Variants in CCDC149 observed in about 807,000 individuals in gnomAD.
CCDC149 encodes the protein coiled-coil domain-containing protein 149.
In CCDC149, 45 loss-of-function variants were observed where a neutral mutation model predicts 59.9. That is an observed-to-expected ratio of 0.75 (90% confidence interval 0.59 to 0.96). The LOEUF (loss-of-function observed/expected upper bound fraction) is 0.96, where lower values mean the gene tolerates loss of function less well. Among genes scored for constraint, CCDC149 ranks in the 40% least tolerant of loss-of-function variants. The pLI is 0.00. For missense variants in CCDC149, 584 were observed against 664.7 expected (o/e 0.88, Z 1.33); for synonymous variants, 245 against 260.6 (o/e 0.94, Z 0.58).
rs117347420 is a variant in CCDC149 at position 24,946,384 on chromosome 4, C to T, written c.-65+33685G>A. ...CAAATCTCTTGTCTTCATATGTGTC[C>T]TTGAAGTGGTCTGTACTTAGCTGGG... On this transcript the variant is annotated intron_variant, in intron 1 of 12. Coordinates refer to the CCDC149 transcript ENST00000389609. 1.9e-3 allele frequency among the ~76,000 whole-genome samples: 286 copies of T among 152,230 alleles called. 2 individuals are homozygous for T. The highest frequency in any genetic ancestry group is 3.9e-3 in the Admixed American group (60 of 15,302).
chr4:24,873,858 A>C, intron 2 of CCDC149, 139 bp from the exon 3 acceptor site: 1 of 637,574 alleles, frequency 1.6e-6, no homozygotes, highest in East Asian at 2.8e-5. Context: ...TGCTGAAGCA[A>C]GCTCAAATAT....
At chr4:24,839,957 G>A (rs1024667068) in intron 4 of CCDC149, among the ~76,000 whole-genome samples, 5 of 152,108 alleles carry the variant, frequency 3.3e-5, no homozygotes, top group African/African-American at 1.2e-4. Flanking sequence ...TCTCTTCCTT[G>A]TTCCTGCATG....
chr4:24,856,824 T>C (rs923632395), intron 3 of CCDC149, among the ~76,000 whole-genome samples: 6 of 152,230 alleles, frequency 3.9e-5, no homozygotes, highest in Admixed American at 3.3e-4. Flanking sequence ...CATTAGCTCA[T>C]TGATCCTTTT....
intron 1 of CCDC149, among the ~76,000 whole-genome samples, chr4:24,919,279 T>C (rs1412313642): frequency 6.6e-6 from 1 of 152,200 alleles, no homozygotes; most frequent in Non-Finnish European, 1.5e-5. Context: ...ACCTCTGTCC[T>C]CAAGGCTTTT....
chr4:24,838,010 T>A (rs1716653616), intron 5 of CCDC149, 146 bp downstream of exon 5: 1 of 721,176 alleles, frequency 1.4e-6, no homozygotes, highest in East Asian at 2.5e-5. Flanking sequence ...CTTGGGACCC[T>A]AGTGCAGTGC....
intron 12 of CCDC149, among the ~76,000 whole-genome samples, chr4:24,818,419 A>T (rs1439264739): frequency 3.9e-5 from 6 of 152,212 alleles, no homozygotes; most frequent in Admixed American, 2.0e-4. Context: ...GTAATGATTA[A>T]AGGCATGAGT....
intron 1 of CCDC149, among the ~76,000 whole-genome samples, chr4:24,955,777 A>G (rs1277375134): frequency 1.3e-5 from 2 of 152,240 alleles, no homozygotes; most frequent in Non-Finnish European, 2.9e-5. Context: ...GTTTTTCAAG[A>G]TGAAAAGAGT....
chr4:24,920,622 G>A (rs1189761320), intron 1 of CCDC149, among the ~76,000 whole-genome samples: 1 of 152,188 alleles, frequency 6.6e-6, no homozygotes, highest in Non-Finnish European at 1.5e-5. Context: ...CCTCTAGATG[G>A]TCATAGAATG....
chr4:24,813,501 T>TATATATAC (rs1553846374), intron 12 of CCDC149, among the ~76,000 whole-genome samples: 1 of 42,078 alleles, frequency 2.4e-5, no homozygotes. Context: ...TATATATATA[T>TATATATAC]ATATATATAT....
At chr4:24,978,035 G>A (rs986193850) in intron 1 of CCDC149, among the ~76,000 whole-genome samples, 1 of 152,152 alleles carries the variant, frequency 6.6e-6, no homozygotes, top group Non-Finnish European at 1.5e-5. Flanking sequence ...AGGAAACCGA[G>A]GCAGAAGGAT....
chr4:24,888,768 C>T lies in CCDC149; in HGVS notation c.64-12071G>A, dbSNP rs549987632. Among the ~76,000 whole-genome samples, 17 of 152,296 alleles carry T rather than the reference C, an allele frequency of 1.1e-4. No individual in the cohort carries two copies. In the East Asian group the frequency reaches 2.1e-3, roughly 19 times the overall value. ...CTTGGGTGTGAGCCTTTCCTGCCCA[C>T]GCCTATAGTCCATCCTCCAATTGCA... is the stretch of plus-strand genomic sequence containing the variant. On this transcript the variant is annotated intron_variant, in intron 1 of 12. Coordinates refer to ENST00000635206, the MANE Select transcript of CCDC149 (RefSeq NM_001330643.2).
intron 12 of CCDC149, among the ~76,000 whole-genome samples, chr4:24,812,402 C>A (rs1219444624): frequency 6.6e-6 from 1 of 152,232 alleles, no homozygotes; most frequent in Non-Finnish European, 1.5e-5. Context: ...CTGAGTACAG[C>A]TCCCAGATCT....
intron 3 of CCDC149, among the ~76,000 whole-genome samples, chr4:24,859,704 A>T (rs192682351): frequency 1.3e-5 from 2 of 152,160 alleles, no homozygotes; most frequent in East Asian, 3.9e-4. Context: ...AACCCTAAAG[A>T]CTCCTCCAAA....
intron 7 of CCDC149, among the ~76,000 whole-genome samples, chr4:24,835,355 A>G (rs575250408): frequency 1.3e-5 from 2 of 152,352 alleles, no homozygotes; most frequent in East Asian, 3.9e-4. Flanking sequence ...GTCACTAGTA[A>G]TGAAAATTCC....
chr4:24,865,956 C>T (rs866236443), intron 3 of CCDC149, among the ~76,000 whole-genome samples: 14 of 152,060 alleles, frequency 9.2e-5, no homozygotes, highest in African/African-American at 3.1e-4. Flanking sequence ...TCCTAGTTTC[C>T]CTGGTGTAAT....
intron 1 of CCDC149, among the ~76,000 whole-genome samples, chr4:24,905,410 CGTGCGTGTGTGTGTGTGTGTGTGTGT>C (rs1721430657): frequency 1.1e-5 from 1 of 93,734 alleles, no homozygotes; most frequent in Admixed American, 1.1e-4. Flanking sequence ...TTTTTGCGTG[CGTGCGTGTGTGTGTGTGTGTGTGTGT>C]GTGTGTGTGT....
chr4:24,853,254 T>C (rs1717781133), intron 3 of CCDC149, 75 bp from the exon 4 acceptor site: 1 of 1,078,688 alleles, frequency 9.3e-7, no homozygotes. Flanking sequence ...ATTGGGCTTG[T>C]GGATGCTGGT....
Position 24,808,348 on chromosome 4 carries a change from TG to T in CCDC149, c.*40del, listed in dbSNP as rs1235484411. ...CCGATGCTTCATTCTTGACCCTCTC[TG>T]GGGCTTTCAATGTGTCATTGTGTCA... is the stretch of plus-strand genomic sequence containing the variant. On this transcript the variant is annotated 3_prime_UTR_variant, in exon 13 of 13. Coordinates refer to ENST00000635206, the MANE Select transcript of CCDC149 (RefSeq NM_001330643.2). 3 of 1,432,390 alleles carry T rather than the reference TG, an allele frequency of 2.1e-6. No individual in the cohort carries two copies. Among genetic ancestry groups the T allele is most frequent in the Non-Finnish European group, 2.8e-6 (3 of 1,088,988 alleles). 88.7% of individuals were successfully genotyped at this position (1,432,390 alleles called of 1,614,324 possible). A position where few individuals can be genotyped will look rare whatever the true frequency, so the allele number is the denominator to read the frequency against.
At chr4:24,921,979 G>A (rs1341921301) in intron 1 of CCDC149, among the ~76,000 whole-genome samples, 1 of 152,174 alleles carries the variant, frequency 6.6e-6, no homozygotes. Flanking sequence ...TGCATTCAAG[G>A]CATCGGCAGG....
Sources: gnomAD v4.1 joint callset for allele counts (sites outside exome capture counted in the v4.1 genomes callset) on GRCh38, gnomAD v4.1.1 for gene constraint, MANE v1.5 for transcripts, NCBI Gene and HGNC (gene_info 2026-07-23, HGNC 2026-07-21) for gene names.